NRP2: variants seen among roughly 807,000 people sequenced by gnomAD.
The protein encoded by NRP2 is neuropilin 2.
Under a neutral mutation model 110.4 loss-of-function variants are expected in NRP2, and 52 were observed. That is an observed-to-expected ratio of 0.47 (90% confidence interval 0.38 to 0.59). The LOEUF is 0.59. Among genes scored for constraint, NRP2 ranks in the 20% least tolerant of loss-of-function variants. The pLI is 0.00. For synonymous variants in NRP2, 508 were observed against 468.9 expected, an observed-to-expected ratio of 1.08 and a Z score of -1.08; for missense variants, 1,049 against 1,203.0, an observed-to-expected ratio of 0.87 and a Z score of 1.89.
intron 3 of NRP2, among the ~76,000 whole-genome samples, chr2:205,721,910 A>T (rs1672603706): frequency 6.6e-6 from 1 of 152,062 alleles, no homozygotes; most frequent in African/African-American, 2.4e-5. Flanking sequence ...AATGAGACCC[A>T]AGCTCCCCTT....
chr2:205,780,191 T>C (rs1250592603), intron 15 of NRP2, among the ~76,000 whole-genome samples: 3 of 152,196 alleles, frequency 2.0e-5, no homozygotes, highest in Non-Finnish European at 4.4e-5. Context: ...AATCTCCCAT[T>C]TACGAGCGCT....
Position 205,714,331 on chromosome 2 carries a change from C to G in NRP2, c.252-1862C>G, listed in dbSNP as rs551376916. Among the ~76,000 whole-genome samples, 45 of 152,318 alleles carry G rather than the reference C, an allele frequency of 3.0e-4. 1 individual carries two copies. The highest frequency in any genetic ancestry group is 9.6e-4 in the African/African-American group (40 of 41,554). On this transcript the variant is annotated intron_variant, in intron 2 of 16. Transcript: ENST00000357785. Reference sequence around the variant, plus strand: ...TCTGTCTGCTTCTGGGATTGGGACTCTTGCGCTCTGGGCCATGCATTTCTT... The same window carrying G: ...TCTGTCTGCTTCTGGGATTGGGACTGTTGCGCTCTGGGCCATGCATTTCTT...
intron 9 of NRP2, chr2:205,743,776 C>CT (rs2057488756): frequency 3.3e-6 from 3 of 917,098 alleles, no homozygotes; most frequent in Non-Finnish European, 4.7e-6. Flanking sequence ...GAGATGGAGT[C>CT]TCTGTCACCC....
intron 7 of NRP2, among the ~76,000 whole-genome samples, chr2:205,734,646 TC>T (rs1275484304): frequency 1.3e-5 from 2 of 152,086 alleles, no homozygotes; most frequent in Non-Finnish European, 2.9e-5. Flanking sequence ...GCTTCTGGCT[TC>T]CCCCAGCCTC....
At chr2:205,782,930 A>G (rs2058193697) in intron 15 of NRP2, among the ~76,000 whole-genome samples, 1 of 151,936 alleles carries the variant, frequency 6.6e-6, no homozygotes. Context: ...CACATGTTTT[A>G]CAAAGGATAG....
intron 15 of NRP2, among the ~76,000 whole-genome samples, chr2:205,775,455 T>TCTCA (rs1237414598): frequency 6.6e-6 from 1 of 152,182 alleles, no homozygotes; most frequent in Non-Finnish European, 1.5e-5. Flanking sequence ...TCCCTCTCTC[T>TCTCA]CTCACTCACT....
At chr2:205,704,025 G>A (rs902926835) in intron 2 of NRP2, among the ~76,000 whole-genome samples, 1 of 152,134 alleles carries the variant, frequency 6.6e-6, no homozygotes, top group Non-Finnish European at 1.5e-5. Context: ...ACTCTCTGCT[G>A]TCCCCACCTT....
chr2:205,684,943 C>G (rs1012270026), intron 1 of NRP2, among the ~76,000 whole-genome samples: 12 of 152,236 alleles, frequency 7.9e-5, no homozygotes, highest in African/African-American at 2.4e-4. Context: ...TAGGCCCCAG[C>G]GCGCGAGCGC....
chr2:205,718,867 A>C (rs1266403175), intron 3 of NRP2, among the ~76,000 whole-genome samples: 1 of 151,962 alleles, frequency 6.6e-6, no homozygotes, highest in Non-Finnish European at 1.5e-5. Flanking sequence ...ACTTGAACCC[A>C]GAAGGAGGAG....
intron 7 of NRP2, among the ~76,000 whole-genome samples, chr2:205,730,424 A>G (rs753601839): frequency 2.0e-4 from 30 of 152,254 alleles, no homozygotes; most frequent in Non-Finnish European, 3.8e-4. Flanking sequence ...GCCGAGTGCC[A>G]CCACTGAGTT....
rs925395987 is a variant in NRP2 at position 205,795,832 on chromosome 2, G to A, written c.*774G>A. On this transcript the variant is annotated 3_prime_UTR_variant, in exon 17 of 17. Transcript: ENST00000357785. ...GCCTGGACGAGGCTTAAAGTGCTTT[G>A]TGAGTGAATAGGAGCCATTCGCTAA... The A allele has an allele frequency of 6.6e-6, 1 of 152,668 alleles. No individual in the cohort carries two copies. Among genetic ancestry groups the A allele is most frequent in the African/African-American group, 2.4e-5 (1 of 41,458 alleles). The allele number at this position is 152,668 out of a possible 1,614,324, so 9.5% of individuals were successfully genotyped here. A position where few individuals can be genotyped will look rare whatever the true frequency, so the allele number is the denominator to read the frequency against.
At position 205,795,689 on chromosome 2, in the gene NRP2, T is replaced by G. The variant is rs2105980969; in HGVS notation, c.*631T>G. On this transcript the variant is annotated 3_prime_UTR_variant, in exon 17 of 17. Coordinates refer to ENST00000357785, the MANE Select transcript of NRP2 (RefSeq NM_003872.3). Reference sequence around the variant, plus strand: ...GCATTTAAGTAGGATGTTGTTGCCTTTAACTTTTCTTATCCAGGGGAAAAT... The same window carrying G: ...GCATTTAAGTAGGATGTTGTTGCCTGTAACTTTTCTTATCCAGGGGAAAAT... 1 of 152,762 alleles carries G rather than the reference T, an allele frequency of 6.5e-6. No individual in the cohort carries two copies. The highest frequency in any genetic ancestry group is 3.4e-3 in the Middle Eastern group (1 of 294). 9.5% of individuals were successfully genotyped at this position (152,762 alleles called of 1,614,324 possible). A position where few individuals can be genotyped will look rare whatever the true frequency, so the allele number is the denominator to read the frequency against.
rs747836952 is a variant in NRP2 at position 205,752,856 on chromosome 2, C to T, written c.1925C>T (p.Ser642Leu). The change falls in exon 12 of 17, where the codon TCG becomes TTG. Residue 642 changes from serine (S) to leucine (L), a missense_variant. Ser to Leu is a moderately radical substitution (Grantham distance 145, BLOSUM62 -2). Transcript: ENST00000357785. ...TTAGACAAAGATTTGCAGCTCCCTT[C>T]GGGATTCAATTGCAACTTCGATTTC... ...FEDDKDLQLP[S>L]GFNCNFDFLE... The T allele has an allele frequency of 1.5e-5, 25 of 1,614,068 alleles. No individual in the cohort carries two copies. The South Asian group carries it at 2.0e-4, about 13-fold the overall frequency.
intron 15 of NRP2, 196 bp downstream of exon 15, chr2:205,766,999 T>TC (rs1488662371): frequency 3.2e-6 from 2 of 623,480 alleles, no homozygotes; most frequent in Admixed American, 2.9e-5. Flanking sequence ...AGCCTCACTG[T>TC]CTCTTGTTTA....
rs57461603 is a variant in NRP2, at chr2:205,719,473, CAAAAAAA to C, written c.434-2997_434-2991del. Among the ~76,000 whole-genome samples, 3 of 93,422 alleles carry C rather than the reference CAAAAAAA, an allele frequency of 3.2e-5. No homozygotes were observed. In the Admixed American group the frequency reaches 3.3e-4, roughly 10 times the overall value. The allele number at this position is 93,422 out of a possible 152,430, so 61.3% of individuals were successfully genotyped here. A position where few individuals can be genotyped will look rare whatever the true frequency, so the allele number is the denominator to read the frequency against. The stretch of plus-strand genomic sequence containing the variant: ...CAAGATACCATGAGCAGAACAGAAA[CAAAAAAA>C]AAAAAAAGGAATTTTTAAACGTAAA... On this transcript the variant is annotated intron_variant, in intron 3 of 16. Coordinates refer to ENST00000357785, the MANE Select transcript of NRP2 (RefSeq NM_003872.3).
At chr2:205,755,802 A>G (rs2105903067) in intron 12 of NRP2, among the ~76,000 whole-genome samples, 1 of 152,208 alleles carries the variant, frequency 6.6e-6, no homozygotes, top group South Asian at 2.1e-4. Flanking sequence ...CGTGTGCCAT[A>G]TGCTTCATCC....
Position 205,766,397 on chromosome 2 carries a change from TTGA to T in NRP2, c.2405-380_2405-378del, listed in dbSNP as rs1338854371. Reference sequence around the variant, plus strand: ...CACACGACCCCTGGTGTGTGTGTGCTTGATGATGTCAGAAGCACCTGGGACCAC... The same window carrying T: ...CACACGACCCCTGGTGTGTGTGTGCTTGATGTCAGAAGCACCTGGGACCAC... On this transcript the variant is annotated intron_variant, in intron 14 of 16. Coordinates refer to ENST00000357785, the MANE Select transcript of NRP2 (RefSeq NM_003872.3). Among the ~76,000 whole-genome samples, 6 of 152,332 alleles carry T rather than the reference TTGA, an allele frequency of 3.9e-5. No homozygotes were observed. The South Asian group carries it at 6.2e-4, about 16-fold the overall frequency.
intron 15 of NRP2, among the ~76,000 whole-genome samples, chr2:205,782,253 G>T (rs903055487): frequency 3.3e-5 from 5 of 152,050 alleles, no homozygotes; most frequent in African/African-American, 4.8e-5. Flanking sequence ...CTAAAGTCCC[G>T]TGGGCATTGG....
intron 7 of NRP2, among the ~76,000 whole-genome samples, chr2:205,730,170 T>C (rs1559332587): frequency 6.6e-6 from 1 of 152,258 alleles, no homozygotes; most frequent in Non-Finnish European, 1.5e-5. Flanking sequence ...TTGTCTCCCC[T>C]GCAAGGATGG....
Sources: allele counts gnomAD v4.1 joint callset (sites outside exome capture counted in the v4.1 genomes callset), GRCh38; gene constraint gnomAD v4.1.1; transcripts MANE v1.5; gene names NCBI Gene and HGNC (gene_info 2026-07-23, HGNC 2026-07-21).